Variants in PEPD observed in about 807,000 individuals in gnomAD.
PEPD encodes the protein peptidase D.
PEPD carries 53 observed loss-of-function variants against 60.7 expected under a neutral mutation model. That is an observed-to-expected ratio of 0.87 (90% CI 0.70 to 1.10). The LOEUF (loss-of-function observed/expected upper bound fraction) is 1.10, where lower values mean the gene tolerates loss of function less well. Among genes scored for constraint, PEPD ranks in the 50% least tolerant of loss-of-function variants. The probability of loss-of-function intolerance (pLI) is 0.00; values close to 1 mark genes in which losing one functional copy is unlikely to be tolerated. For synonymous variants in PEPD, 267 were observed against 284.1 expected (o/e 0.94, Z 0.60); for missense variants, 711 against 711.9 (o/e 1.00, Z 0.01).
chr19:33,487,295 G>C (rs1335434908), intron 6 of PEPD: 1 of 152,664 alleles, frequency 6.6e-6, no homozygotes, highest in African/African-American at 2.4e-5. Flanking sequence ...GGAAGCGGCT[G>C]GGAGCAGCTG....
At chr19:33,400,923 G>T (rs1968472847) in intron 12 of PEPD, among the ~76,000 whole-genome samples, 1 of 152,210 alleles carries the variant, frequency 6.6e-6, no homozygotes, top group African/African-American at 2.4e-5. Context: ...AGCGGGATGG[G>T]GACAGCGGGA....
In PEPD at chr19:33,511,293, T is replaced by C. The variant is rs1045900684; in HGVS notation, c.202-138A>G. ...ACTGACCCCAGCCCCAGACATCCCT[T>C]CCCCTCAGCACTCGACTCCCCAGCT... On this transcript the variant is annotated intron_variant, in intron 2 of 14. Transcript: ENST00000244137. 8 of 840,388 alleles carry C rather than the reference T, an allele frequency of 9.5e-6. No individual in the cohort carries two copies. In the African/African-American group the frequency reaches 1.3e-4, roughly 14 times the overall value. 52.1% of individuals were successfully genotyped at this position (840,388 alleles called of 1,614,324 possible). A position where few individuals can be genotyped will look rare whatever the true frequency, so the allele number is the denominator to read the frequency against.
chr19:33,480,921 C>T (rs1189369705), intron 6 of PEPD, among the ~76,000 whole-genome samples: 6 of 152,058 alleles, frequency 3.9e-5, no homozygotes, highest in Non-Finnish European at 7.4e-5. Context: ...GCACATGGAT[C>T]ATTCTCCAGG....
intron 6 of PEPD, among the ~76,000 whole-genome samples, chr19:33,488,942 C>T (rs1970446304): frequency 6.6e-6 from 1 of 151,986 alleles, no homozygotes; most frequent in Non-Finnish European, 1.5e-5. Flanking sequence ...GAGCTGCCCA[C>T]TGTCCACGTG....
chr19:33,508,941 C>T (rs1970866537), intron 3 of PEPD, among the ~76,000 whole-genome samples: 1 of 152,198 alleles, frequency 6.6e-6, no homozygotes, highest in Admixed American at 6.5e-5. Flanking sequence ...TGGGGGGCCT[C>T]CAGAGCAGCA....
chr19:33,521,649 G>A, intron 1 of PEPD, 95 bp downstream of exon 1: 1 of 1,356,394 alleles, frequency 7.4e-7, no homozygotes, highest in Non-Finnish European at 1.0e-6. Context: ...GCGGCATTCA[G>A]CGACCCCGGC....
In PEPD at chr19:33,423,067, T is replaced by C. The variant is rs544535074; in HGVS notation, c.672-9424A>G. ...ATCATCTATCAAGGTGATGATCATC[T>C]ATATCAGCCTACATACTTACCTACT... On this transcript the variant is annotated intron_variant, in intron 9 of 14. Coordinates refer to ENST00000244137, the MANE Select transcript of PEPD (RefSeq NM_000285.4). Among the ~76,000 whole-genome samples, 3 of 142,792 alleles carry C rather than the reference T, an allele frequency of 2.1e-5. No individual in the cohort carries two copies. The East Asian group carries it at 6.6e-4, about 31-fold the overall frequency. 93.7% of individuals were successfully genotyped at this position (142,792 alleles called of 152,430 possible).
intron 11 of PEPD, among the ~76,000 whole-genome samples, chr19:33,405,725 G>A (rs937083193): frequency 3.9e-5 from 6 of 152,248 alleles, no homozygotes; most frequent in Admixed American, 1.3e-4. Context: ...GCCACCACTC[G>A]GAGTCCCTGA....
In PEPD at chr19:33,450,843, A is replaced by G. The variant is rs564944673; in HGVS notation, c.671+12152T>C. The stretch of plus-strand genomic sequence containing the variant: ...CAGACCAAATGGAGAACTAGCCAAA[A>G]CAGGTCCCAGGTAAAAGCAGCTTTC... On this transcript the variant is annotated intron_variant, in intron 9 of 14. Coordinates refer to ENST00000244137, the MANE Select transcript of PEPD (RefSeq NM_000285.4). Among the ~76,000 whole-genome samples, 200 of 152,290 alleles carry G rather than the reference A, an allele frequency of 1.3e-3. 1 individual carries two copies. Among genetic ancestry groups the G allele is most frequent in the African/African-American group, 4.7e-3 (195 of 41,544 alleles).
At chr19:33,414,619 C>A (rs914149346) in intron 9 of PEPD, among the ~76,000 whole-genome samples, 7 of 129,822 alleles carry the variant, frequency 5.4e-5, no homozygotes, top group Non-Finnish European at 9.1e-5. Context: ...GCAGTCGTTG[C>A]GGCCGCCCAA....
At chr19:33,520,991 A>T (rs76034044) in intron 1 of PEPD, among the ~76,000 whole-genome samples, 1,839 of 152,224 alleles carry the variant, frequency 0.012, 31 homozygotes, top group South Asian at 0.073. Context: ...AACACTCTGA[A>T]CTCTCAACCT....
intron 7 of PEPD, among the ~76,000 whole-genome samples, chr19:33,470,763 G>A (rs1289756148): frequency 1.3e-5 from 2 of 152,126 alleles, no homozygotes; most frequent in African/African-American, 2.4e-5. Context: ...AAAGAGAAAA[G>A]GAGGCCTCTC....
At chr19:33,474,680 T>C (rs945660298) in intron 7 of PEPD, among the ~76,000 whole-genome samples, 1 of 151,206 alleles carries the variant, frequency 6.6e-6, no homozygotes, top group Non-Finnish European at 1.5e-5. Context: ...CAAGACTTCA[T>C]CTCAAAAAAA....
chr19:33,468,090 T>C (rs761226410), intron 7 of PEPD, among the ~76,000 whole-genome samples: 3 of 152,130 alleles, frequency 2.0e-5, no homozygotes, highest in African/African-American at 4.8e-5. Context: ...CCCTTTCGGT[T>C]TGGGGCTGGC....
intron 9 of PEPD, among the ~76,000 whole-genome samples, chr19:33,431,461 C>T (rs184283496): frequency 9.7e-4 from 147 of 152,308 alleles, no homozygotes; most frequent in African/African-American, 3.5e-3. Context: ...CAAAGATTTC[C>T]TCTCTTCATT....
chr19:33,387,435 A>G lies in PEPD; in HGVS notation c.1391T>C (p.Leu464Pro), dbSNP rs1411763670. The stretch of plus-strand genomic sequence containing the variant: ...CACAGTGCGGGGCACGCAGGTCAGC[A>G]GCTCTATGCCGCTGTCAGTCACCAC... ...DVVVTDSGIE[L>P]LTCVPRTVEE... The change falls in exon 15 of 15, where the codon CTG becomes CCG. Residue 464 changes from leucine (L) to proline (P), a missense_variant. By Grantham distance (98) the Leu-to-Pro change is moderately conservative. Coordinates refer to ENST00000244137, the MANE Select transcript of PEPD (RefSeq NM_000285.4). 1.9e-6 allele frequency: 3 copies of G among 1,613,998 alleles called. 1 individual carries two copies. The highest frequency in any genetic ancestry group is 2.5e-6 in the Non-Finnish European group (3 of 1,180,020).
intron 9 of PEPD, among the ~76,000 whole-genome samples, chr19:33,417,877 G>A (rs950751271): frequency 1.3e-5 from 2 of 152,332 alleles, no homozygotes; most frequent in African/African-American, 4.8e-5. Flanking sequence ...AGGCAGCCAA[G>A]TTCTCTACAG....
chr19:33,480,444 C>T lies in PEPD; in HGVS notation c.504-2354G>A, dbSNP rs144213404. 1.4e-3 allele frequency among the ~76,000 whole-genome samples: 212 copies of T among 152,210 alleles called. 1 individual carries two copies. The highest frequency in any genetic ancestry group is 4.3e-3 in the African/African-American group (180 of 41,514). On this transcript the variant is annotated intron_variant, in intron 6 of 14. Transcript: ENST00000244137. ...GAGAGAAACTGACAATAGTTGGAGA[C>T]GTCAATAATCTACTTTCGGTAATGA...
chr19:33,406,638 A>G (rs1968631001), intron 11 of PEPD, among the ~76,000 whole-genome samples: 1 of 152,092 alleles, frequency 6.6e-6, no homozygotes, highest in Non-Finnish European at 1.5e-5. Flanking sequence ...ATTGGGCCCC[A>G]GGTGGAGTGG....
Sources: allele counts gnomAD v4.1 joint callset (sites outside exome capture counted in the v4.1 genomes callset), GRCh38; gene constraint gnomAD v4.1.1; transcripts MANE v1.5; gene names NCBI Gene and HGNC (gene_info 2026-07-23, HGNC 2026-07-21).